Variants in ASAP1 observed in about 807,000 individuals in gnomAD.
ASAP1 encodes the protein ArfGAP with SH3 domain, ankyrin repeat and PH domain 1.
In ASAP1, 43 loss-of-function variants were observed where a neutral mutation model predicts 145.2. The observed-to-expected ratio is 0.30, with a 90% CI of 0.23 to 0.38. The LOEUF (loss-of-function observed/expected upper bound fraction) is 0.38. ASAP1 is among the 10% of genes least tolerant of loss of function. The pLI is 1.00. For missense variants in ASAP1, 1,018 were observed against 1,355.3 expected, an observed-to-expected ratio of 0.75 and a Z score of 3.91; for synonymous variants, 546 against 515.5, an observed-to-expected ratio of 1.06 and a Z score of -0.80.
chr8:130,422,001 A>C (rs1332898342), intron 1 of ASAP1, among the ~76,000 whole-genome samples: 4 of 152,254 alleles, frequency 2.6e-5, no homozygotes, highest in Non-Finnish European at 5.9e-5. Flanking sequence ...AGGTATGAAC[A>C]AAACAGACAG....
chr8:130,276,728 A>ACTCT (rs10678909), intron 3 of ASAP1, among the ~76,000 whole-genome samples: 1,163 of 87,220 alleles, frequency 0.013, 29 homozygotes, highest in Admixed American at 0.043. Flanking sequence ...ACACACACAC[A>ACTCT]CTCTCTCTCT....
At chr8:130,208,077 T>C (rs74403851) in intron 5 of ASAP1, among the ~76,000 whole-genome samples, 16,328 of 152,238 alleles carry the variant, frequency 0.11, 1,020 homozygotes, top group South Asian at 0.28. Context: ...GGTTATACTT[T>C]TATTTAAACT....
intron 2 of ASAP1, among the ~76,000 whole-genome samples, chr8:130,379,406 A>G (rs145249600): frequency 2.6e-5 from 4 of 152,288 alleles, no homozygotes; most frequent in Admixed American, 6.5e-5. Context: ...TGTGAGTTCT[A>G]GCCAATCATC....
rs868027806 is a variant in ASAP1 at position 130,312,283 on chromosome 8, A to C, written c.186+45734T>G. Among the ~76,000 whole-genome samples the C allele has an allele frequency of 3.3e-5, 5 of 151,986 alleles. 1 individual carries two copies. Among genetic ancestry groups the C allele is most frequent in the African/African-American group, 1.2e-4 (5 of 41,436 alleles). On this transcript the variant is annotated intron_variant, in intron 3 of 29. Transcript: ENST00000518721. ...CAGAGTAGGACCCTGTCTTTAAAAA[A>C]AAAAAAAAAAAGTACCATGCCTAAA...
At chr8:130,382,285 CAAAAAAAAAAAAAA>C (rs35060121) in intron 2 of ASAP1, among the ~76,000 whole-genome samples, 1 of 73,480 alleles carries the variant, frequency 1.4e-5, no homozygotes, top group Non-Finnish European at 2.5e-5. Flanking sequence ...GATTCTGTCT[CAAAAAAAAAAAAAA>C]AAAAAAAAAA....
At chr8:130,290,774 T>A (rs1026339570) in intron 3 of ASAP1, among the ~76,000 whole-genome samples, 6 of 152,250 alleles carry the variant, frequency 3.9e-5, no homozygotes. Context: ...ATAATGATGA[T>A]ACTCCTCCTT....
intron 3 of ASAP1, among the ~76,000 whole-genome samples, chr8:130,299,284 G>C (rs530123066): frequency 1.3e-5 from 2 of 152,120 alleles, no homozygotes; most frequent in East Asian, 3.9e-4. Context: ...CAGGGAAACT[G>C]AAAAAAACAG....
intron 3 of ASAP1, among the ~76,000 whole-genome samples, chr8:130,257,343 C>T (rs1197961834): frequency 6.6e-6 from 1 of 152,120 alleles, no homozygotes; most frequent in Admixed American, 6.6e-5. Context: ...ACAAGGTCCA[C>T]TAAGAACAAA....
At chr8:130,299,518 C>CA (rs973414129) in intron 3 of ASAP1, among the ~76,000 whole-genome samples, 4 of 152,206 alleles carry the variant, frequency 2.6e-5, no homozygotes, top group African/African-American at 9.7e-5. Flanking sequence ...TTAAAGGATG[C>CA]ATCTCCATGC....
intron 3 of ASAP1, among the ~76,000 whole-genome samples, chr8:130,250,356 C>T (rs1054174460): frequency 6.6e-6 from 1 of 152,168 alleles, no homozygotes; most frequent in African/African-American, 2.4e-5. Context: ...GAAAGCTTAA[C>T]TCCAAAGTCT....
intron 3 of ASAP1, among the ~76,000 whole-genome samples, chr8:130,354,222 C>T (rs1826170672): frequency 6.6e-6 from 1 of 152,128 alleles, no homozygotes; most frequent in Non-Finnish European, 1.5e-5. Flanking sequence ...ATTTTATTTA[C>T]TAGCCACTTG....
At chr8:130,390,104 C>G (rs1828206222) in intron 2 of ASAP1, among the ~76,000 whole-genome samples, 1 of 152,106 alleles carries the variant, frequency 6.6e-6, no homozygotes, top group African/African-American at 2.4e-5. Flanking sequence ...TTTAACAGCT[C>G]CCCAGGTGAC....
intron 1 of ASAP1, among the ~76,000 whole-genome samples, chr8:130,415,604 AT>A (rs1349874805): frequency 2.6e-5 from 4 of 152,198 alleles, no homozygotes; most frequent in Non-Finnish European, 5.9e-5. Context: ...CCTGGCCAAC[AT>A]GGTGAAACCC....
intron 3 of ASAP1, chr8:130,246,976 T>C (rs1173841158): frequency 6.6e-6 from 1 of 152,208 alleles, no homozygotes; most frequent in African/African-American, 2.4e-5. Context: ...CTTTGCCTCT[T>C]GGAAGAAACA....
intron 2 of ASAP1, chr8:130,361,745 A>G (rs2138196896): frequency 6.5e-7 from 1 of 1,535,382 alleles, no homozygotes; most frequent in African/African-American, 1.4e-5. Flanking sequence ...CATTTTCTCA[A>G]ATACTCTGAA....
intron 5 of ASAP1, among the ~76,000 whole-genome samples, chr8:130,201,331 T>A (rs977058621): frequency 6.6e-6 from 1 of 152,154 alleles, no homozygotes; most frequent in African/African-American, 2.4e-5. Context: ...CAAGACAAAT[T>A]ACACCATGTG....
chr8:130,379,165 A>T (rs1164245133), intron 2 of ASAP1, among the ~76,000 whole-genome samples: 1 of 152,136 alleles, frequency 6.6e-6, no homozygotes. Context: ...GAGATCAAGG[A>T]GCTTCTAGTG....
intron 25 of ASAP1, among the ~76,000 whole-genome samples, chr8:130,089,424 A>C (rs1304370655): frequency 2.0e-5 from 3 of 152,090 alleles, no homozygotes; most frequent in Non-Finnish European, 4.4e-5. Flanking sequence ...CCCAGTCCTG[A>C]TCTCTCACAG....
chr8:130,217,163 G>C (rs1460574511), intron 4 of ASAP1, among the ~76,000 whole-genome samples: 1 of 152,206 alleles, frequency 6.6e-6, no homozygotes, highest in Non-Finnish European at 1.5e-5. Context: ...AAGCATTTCA[G>C]ATGCCTGTAC....
Sources: allele counts gnomAD v4.1 joint callset (sites outside exome capture counted in the v4.1 genomes callset), GRCh38; gene constraint gnomAD v4.1.1; transcripts MANE v1.5; gene names NCBI Gene and HGNC (gene_info 2026-07-23, HGNC 2026-07-21).